The following MCTP1 variants were observed in gnomAD, a reference collection of about 807,000 sequenced individuals.
The protein encoded by MCTP1 is multiple C2 and transmembrane domain containing 1.
MCTP1 carries 69 observed loss-of-function variants against 120.6 expected under a neutral mutation model. That is an observed-to-expected ratio of 0.57 (90% CI 0.47 to 0.70). The LOEUF (loss-of-function observed/expected upper bound fraction) is 0.70. Among genes scored for constraint, MCTP1 ranks in the 30% least tolerant of loss-of-function variants. MCTP1 has a pLI of 0.00. For synonymous variants in MCTP1, 529 were observed against 493.1 expected, an observed-to-expected ratio of 1.07 and a Z score of -0.96; for missense variants, 1,203 against 1,248.8, an observed-to-expected ratio of 0.96 and a Z score of 0.55.
chr5:94,793,910 G>A (rs1173835908), intron 18 of MCTP1, among the ~76,000 whole-genome samples: 2 of 152,238 alleles, frequency 1.3e-5, no homozygotes, highest in Non-Finnish European at 2.9e-5. Context: ...AGCTTTATTT[G>A]TAGAGATAAG....
At chr5:95,013,948 A>G (rs1836556078) in intron 2 of MCTP1, among the ~76,000 whole-genome samples, 2 of 152,056 alleles carry the variant, frequency 1.3e-5, no homozygotes, top group African/African-American at 4.8e-5. Context: ...GAAAGGAGTC[A>G]TCATTCTAGA....
intron 1 of MCTP1, among the ~76,000 whole-genome samples, chr5:95,221,973 A>G (rs560802584): frequency 3.9e-5 from 6 of 152,318 alleles, no homozygotes; most frequent in African/African-American, 1.4e-4. Context: ...AAAAAGAAAA[A>G]CACTTTTATG....
At chr5:94,925,061 T>A (rs1812702452) in intron 6 of MCTP1, among the ~76,000 whole-genome samples, 1 of 152,236 alleles carries the variant, frequency 6.6e-6, no homozygotes, top group Non-Finnish European at 1.5e-5. Context: ...AATTTATATT[T>A]CATTTTACAA....
At chr5:95,055,966 T>C (rs892171245) in intron 1 of MCTP1, among the ~76,000 whole-genome samples, 8 of 152,356 alleles carry the variant, frequency 5.3e-5, no homozygotes, top group Admixed American at 2.0e-4. Context: ...ATGCTATACA[T>C]GTACTTTTAA....
Position 94,921,941 on chromosome 5 carries a change from G to A in MCTP1, c.1272+2021C>T, listed in dbSNP as rs939756314. On this transcript the variant is annotated intron_variant, in intron 7 of 22. Coordinates refer to ENST00000515393, the MANE Select transcript of MCTP1 (RefSeq NM_024717.7). ...TCAAAGAGGGACTCTACTGCTGTAA[G>A]TTCTTCAAAACATTTATTTGTATGG... 2.0e-5 allele frequency among the ~76,000 whole-genome samples: 3 copies of A among 152,306 alleles called. No individual in the cohort carries two copies. The East Asian group carries it at 5.8e-4, about 29-fold the overall frequency.
chr5:94,764,257 C>T (rs74818351), intron 19 of MCTP1, among the ~76,000 whole-genome samples: 204 of 152,270 alleles, frequency 1.3e-3, no homozygotes, highest in African/African-American at 4.6e-3. Context: ...CTGCCACAGA[C>T]GCCATCAAAG....
intron 17 of MCTP1, among the ~76,000 whole-genome samples, chr5:94,828,124 G>A (rs1787645069): frequency 6.6e-6 from 1 of 152,110 alleles, no homozygotes; most frequent in Non-Finnish European, 1.5e-5. Flanking sequence ...TGCTGTTGGT[G>A]ACTTCGGATG....
At chr5:95,031,115 G>A (rs1483409731) in intron 1 of MCTP1, among the ~76,000 whole-genome samples, 3 of 151,692 alleles carry the variant, frequency 2.0e-5, no homozygotes, top group East Asian at 3.9e-4. Flanking sequence ...AATGAACAAA[G>A]CTTTCAAGAA....
At chr5:95,065,335 A>G (rs1750383036) in intron 1 of MCTP1, among the ~76,000 whole-genome samples, 2 of 152,090 alleles carry the variant, frequency 1.3e-5, no homozygotes. Flanking sequence ...GCAAATCTCA[A>G]TCACAAATAT....
At chr5:94,716,680 A>G (rs1759479284) in intron 19 of MCTP1, among the ~76,000 whole-genome samples, 1 of 152,162 alleles carries the variant, frequency 6.6e-6, no homozygotes, top group South Asian at 2.1e-4. Context: ...TATGTGAAAA[A>G]CTATTTCACA....
chr5:94,767,622 A>C (rs762636164), intron 19 of MCTP1, among the ~76,000 whole-genome samples: 3 of 152,188 alleles, frequency 2.0e-5, no homozygotes, highest in Non-Finnish European at 4.4e-5. Flanking sequence ...ACCAGTAATG[A>C]ACTAGCTAAA....
chr5:95,121,340 G>C (rs149858342), intron 1 of MCTP1, among the ~76,000 whole-genome samples: 2 of 144,888 alleles, frequency 1.4e-5, no homozygotes, highest in African/African-American at 5.1e-5. Context: ...AAAACCAGTA[G>C]CATTTCTGTA....
intron 19 of MCTP1, among the ~76,000 whole-genome samples, chr5:94,773,665 A>C (rs1237857342): frequency 6.6e-6 from 1 of 152,156 alleles, no homozygotes; most frequent in Non-Finnish European, 1.5e-5. Context: ...GAGGACTCAC[A>C]ATCATGGTGG....
chr5:95,096,694 G>T (rs559520936), intron 1 of MCTP1, among the ~76,000 whole-genome samples: 1 of 152,270 alleles, frequency 6.6e-6, no homozygotes, highest in South Asian at 2.1e-4. Flanking sequence ...AGAGCTACAT[G>T]AAACAAATGG....
At chr5:95,251,410 G>A (rs1416343679) in intron 1 of MCTP1, among the ~76,000 whole-genome samples, 2 of 152,042 alleles carry the variant, frequency 1.3e-5, no homozygotes, top group Admixed American at 6.6e-5. Context: ...AGATCATGCA[G>A]GTACTCATAG....
intron 3 of MCTP1, among the ~76,000 whole-genome samples, chr5:94,947,080 G>A (rs1429248032): frequency 6.6e-6 from 1 of 152,032 alleles, no homozygotes; most frequent in Non-Finnish European, 1.5e-5. Context: ...AGCATCTCTG[G>A]AATCTGCTTT....
intron 1 of MCTP1, among the ~76,000 whole-genome samples, chr5:95,131,438 C>G (rs1039459755): frequency 3.9e-5 from 6 of 152,068 alleles, no homozygotes; most frequent in Non-Finnish European, 8.8e-5. Flanking sequence ...CTCACTGGAT[C>G]AAAAGATTGT....
At chr5:95,138,236 C>CCCT (rs1161912778) in intron 1 of MCTP1, among the ~76,000 whole-genome samples, 1 of 150,012 alleles carries the variant, frequency 6.7e-6, no homozygotes, top group Non-Finnish European at 1.5e-5. Flanking sequence ...AGATGCAACC[C>CCCT]CCCCCCGACA....
chr5:94,948,938 G>A (rs1182255900), intron 3 of MCTP1, among the ~76,000 whole-genome samples: 1 of 151,958 alleles, frequency 6.6e-6, no homozygotes, highest in East Asian at 1.9e-4. Context: ...CTTAAACAGA[G>A]CTTAAAGTAA....
Sources: allele counts gnomAD v4.1 joint callset (sites outside exome capture counted in the v4.1 genomes callset), GRCh38; gene constraint gnomAD v4.1.1; transcripts MANE v1.5; gene names NCBI Gene and HGNC (gene_info 2026-07-23, HGNC 2026-07-21).